Variants in ERC2 observed in about 807,000 individuals in gnomAD.
The protein encoded by ERC2 is ELKS/RAB6-interacting/CAST family member 2, also known as ERC protein 2.
Under a neutral mutation model 114.8 loss-of-function variants are expected in ERC2, and 42 were observed. The observed-to-expected ratio is 0.37, with a 90% CI of 0.29 to 0.47. The LOEUF (loss-of-function observed/expected upper bound fraction) is 0.47, where lower values mean the gene tolerates loss of function less well. Among genes scored for constraint, ERC2 ranks in the 20% least tolerant of loss-of-function variants. ERC2 has a pLI of 0.99. For missense variants in ERC2, 939 were observed against 1,150.7 expected (o/e 0.82, Z 2.66); for synonymous variants, 454 against 425.5 (o/e 1.07, Z -0.82).
chr3:55,688,119 G>A (rs1233547469), intron 16 of ERC2, among the ~76,000 whole-genome samples: 2 of 152,150 alleles, frequency 1.3e-5, no homozygotes, highest in African/African-American at 4.8e-5. Context: ...GGGCCCATTT[G>A]CAGGTAAGAT....
chr3:56,173,309 A>C, intron 4 of ERC2, 137 bp downstream of exon 4: 2 of 788,370 alleles, frequency 2.5e-6, no homozygotes, highest in Non-Finnish European at 4.2e-6. Flanking sequence ...GGAAGGTAAA[A>C]AAAATCCAGA....
chr3:56,307,281 T>C (rs1056815806), intron 2 of ERC2, among the ~76,000 whole-genome samples: 4 of 152,212 alleles, frequency 2.6e-5, no homozygotes, highest in African/African-American at 9.7e-5. Context: ...GAAAAATGTA[T>C]ATATTTTTTG....
At chr3:56,281,773 C>T (rs2054365504) in intron 3 of ERC2, among the ~76,000 whole-genome samples, 1 of 152,132 alleles carries the variant, frequency 6.6e-6, no homozygotes, top group African/African-American at 2.4e-5. Flanking sequence ...ATTTCCCATA[C>T]AGTAGAATTG....
At chr3:55,617,656 AC>A (rs2059176345) in intron 17 of ERC2, among the ~76,000 whole-genome samples, 3 of 152,232 alleles carry the variant, frequency 2.0e-5, no homozygotes, top group Admixed American at 2.0e-4. Flanking sequence ...CAGGGATTTA[AC>A]AAGTTTATCT....
intron 15 of ERC2, among the ~76,000 whole-genome samples, chr3:55,705,810 A>G (rs2063450326): frequency 6.6e-6 from 1 of 152,142 alleles, no homozygotes; most frequent in South Asian, 2.1e-4. Context: ...AATTTAGTAG[A>G]TCATCATGAA....
At chr3:55,772,289 T>C (rs1325088833) in intron 14 of ERC2, among the ~76,000 whole-genome samples, 4 of 151,212 alleles carry the variant, frequency 2.6e-5, no homozygotes, top group Non-Finnish European at 5.9e-5. Context: ...ACTGCAGGCA[T>C]GCACCACCAC....
intron 4 of ERC2, among the ~76,000 whole-genome samples, chr3:56,158,906 C>A (rs760313819): frequency 4.0e-5 from 6 of 151,822 alleles, no homozygotes; most frequent in Non-Finnish European, 7.4e-5. Flanking sequence ...GGTTTGGATC[C>A]GTGTCCCCAC....
chr3:55,852,096 T>C (rs2061597819), intron 14 of ERC2, among the ~76,000 whole-genome samples: 2 of 152,144 alleles, frequency 1.3e-5, no homozygotes, highest in Admixed American at 1.3e-4. Context: ...GGCGCATTCT[T>C]CTAATCCCAG....
intron 17 of ERC2, among the ~76,000 whole-genome samples, chr3:55,678,338 C>T (rs568893329): frequency 8.0e-4 from 122 of 152,254 alleles, no homozygotes; most frequent in African/African-American, 2.8e-3. Flanking sequence ...TTATCAAGAG[C>T]AATCAAAATC....
intron 7 of ERC2, among the ~76,000 whole-genome samples, chr3:56,064,586 A>C (rs1476231566): frequency 6.6e-6 from 1 of 152,200 alleles, no homozygotes. Context: ...GGAAGACCTC[A>C]CCCTTGGGAA....
intron 14 of ERC2, among the ~76,000 whole-genome samples, chr3:55,887,992 G>C (rs1162805016): frequency 6.6e-6 from 1 of 152,204 alleles, no homozygotes; most frequent in African/African-American, 2.4e-5. Flanking sequence ...AATTAGCAAA[G>C]TTACAGTCAC....
chr3:56,034,642 C>A (rs1560061873), intron 7 of ERC2, among the ~76,000 whole-genome samples: 1 of 152,006 alleles, frequency 6.6e-6, no homozygotes, highest in Non-Finnish European at 1.5e-5. Context: ...TCTTTTCCAA[C>A]CACAATAGTA....
chr3:55,832,515 T>C (rs2060651194), intron 14 of ERC2, among the ~76,000 whole-genome samples: 2 of 152,232 alleles, frequency 1.3e-5, no homozygotes, highest in Non-Finnish European at 2.9e-5. Flanking sequence ...AGTGGACCTC[T>C]AGCAAACTCC....
At chr3:56,136,928 G>C (rs114997573) in intron 6 of ERC2, among the ~76,000 whole-genome samples, 1 of 152,130 alleles carries the variant, frequency 6.6e-6, no homozygotes, top group Non-Finnish European at 1.5e-5. Flanking sequence ...TCTGCACACG[G>C]AGAATAATTT....
intron 10 of ERC2, among the ~76,000 whole-genome samples, chr3:56,004,882 C>T (rs756981935): frequency 3.9e-5 from 6 of 151,948 alleles, no homozygotes; most frequent in Non-Finnish European, 7.4e-5. Flanking sequence ...TTTATAGCTG[C>T]TTATTTTTCC....
chr3:56,047,374 C>T (rs563544800), intron 7 of ERC2, among the ~76,000 whole-genome samples: 3 of 152,308 alleles, frequency 2.0e-5, no homozygotes, highest in Admixed American at 1.3e-4. Context: ...TCCATAGGTG[C>T]CATACTGCAG....
intron 13 of ERC2, among the ~76,000 whole-genome samples, chr3:55,944,968 G>A (rs1033453061): frequency 3.3e-5 from 5 of 152,170 alleles, no homozygotes; most frequent in African/African-American, 1.2e-4. Flanking sequence ...ATGAGGGTCA[G>A]TTCATATTTC....
chr3:56,431,245 C>T (rs2061776284), intron 2 of ERC2, among the ~76,000 whole-genome samples: 1 of 152,204 alleles, frequency 6.6e-6, no homozygotes, highest in Non-Finnish European at 1.5e-5. Flanking sequence ...TTTCACCTAG[C>T]TCCATTTTTG....
At chr3:55,771,552 G>C (rs2068202449) in intron 14 of ERC2, among the ~76,000 whole-genome samples, 1 of 152,188 alleles carries the variant, frequency 6.6e-6, no homozygotes, top group Non-Finnish European at 1.5e-5. Context: ...CCTCTCTTGT[G>C]ACTTGTTCGT....
Sources: gnomAD v4.1 joint callset for allele counts (sites outside exome capture counted in the v4.1 genomes callset) on GRCh38, gnomAD v4.1.1 for gene constraint, MANE v1.5 for transcripts, NCBI Gene and HGNC (gene_info 2026-07-23, HGNC 2026-07-21) for gene names.